The following CNTN5 variants were observed in gnomAD, a reference collection of about 807,000 sequenced individuals.
The protein encoded by CNTN5 is contactin 5.
A neutral mutation model predicts 129.1 loss-of-function variants in CNTN5; 77 were observed. The ratio of observed to expected loss-of-function variants is 0.60; its 90% confidence interval spans 0.50 to 0.72. The LOEUF (loss-of-function observed/expected upper bound fraction) is 0.72, where lower values mean the gene tolerates loss of function less well. CNTN5 is among the 30% of genes least tolerant of loss of function. CNTN5 has a pLI of 0.00. For synonymous variants in CNTN5, 509 were observed against 465.6 expected (o/e 1.09, Z -1.20); for missense variants, 1,478 against 1,328.8 (o/e 1.11, Z -1.75).
intron 10 of CNTN5, among the ~76,000 whole-genome samples, chr11:100,066,696 TG>T (rs1378769504): frequency 1.3e-5 from 2 of 151,996 alleles, no homozygotes; most frequent in Non-Finnish European, 2.9e-5. Context: ...GTTTTAAATG[TG>T]GCCCAACCTG....
At chr11:99,549,898 G>A (rs1948426190) in intron 2 of CNTN5, among the ~76,000 whole-genome samples, 1 of 152,034 alleles carries the variant, frequency 6.6e-6, no homozygotes. Context: ...TGAGTAGTAA[G>A]TAATCTCGAA....
At chr11:99,709,398 A>G (rs929202001) in intron 3 of CNTN5, among the ~76,000 whole-genome samples, 2 of 139,876 alleles carry the variant, frequency 1.4e-5, no homozygotes, top group East Asian at 2.1e-4. Flanking sequence ...GGAACTTTAC[A>G]TTGAAAGTCT....
chr11:99,775,564 T>A (rs761161327), intron 3 of CNTN5, among the ~76,000 whole-genome samples: 59 of 151,992 alleles, frequency 3.9e-4, no homozygotes, highest in Non-Finnish European at 6.6e-4. Flanking sequence ...AGGTAGATAA[T>A]TACTGGAAAA....
chr11:99,435,103 A>G lies in CNTN5; in HGVS notation c.-71+109619A>G, dbSNP rs183837095. Among the ~76,000 whole-genome samples the G allele has an allele frequency of 4.6e-5, 7 of 152,264 alleles. No homozygotes were observed. The East Asian group carries it at 7.7e-4, about 17-fold the overall frequency. On this transcript the variant is annotated intron_variant, in intron 2 of 24. Transcript: ENST00000524871. ...GTCTTTTAGTATCAATGCCATTTTT[A>G]AAGTGTGAAATAATGCTCCTGAAAT...
chr11:99,250,986 G>A (rs1156552702), intron 1 of CNTN5, among the ~76,000 whole-genome samples: 1 of 151,538 alleles, frequency 6.6e-6, no homozygotes, highest in Admixed American at 6.6e-5. Flanking sequence ...ATTAGACTTG[G>A]GAAAAGAAAC....
chr11:100,126,345 T>A (rs1397088725), intron 13 of CNTN5, among the ~76,000 whole-genome samples: 3 of 152,270 alleles, frequency 2.0e-5, no homozygotes, highest in Admixed American at 2.0e-4. Context: ...CAGAATTCAC[T>A]TGTTAATTTT....
At chr11:100,161,907 G>A (rs1947468438) in intron 13 of CNTN5, among the ~76,000 whole-genome samples, 1 of 143,648 alleles carries the variant, frequency 7.0e-6, no homozygotes, top group African/African-American at 2.7e-5. Context: ...ACACACCTAA[G>A]CATTGACTGG....
chr11:99,781,111 A>AT (rs1945295368), intron 3 of CNTN5, among the ~76,000 whole-genome samples: 1 of 152,070 alleles, frequency 6.6e-6, no homozygotes, highest in Non-Finnish European at 1.5e-5. Context: ...TTGATAGGAT[A>AT]TTTTAGTTTA....
At chr11:99,376,246 T>G (rs991248308) in intron 2 of CNTN5, among the ~76,000 whole-genome samples, 1 of 152,180 alleles carries the variant, frequency 6.6e-6, no homozygotes, top group African/African-American at 2.4e-5. Context: ...GCTGACAGAA[T>G]CAACAATCCC....
intron 1 of CNTN5, among the ~76,000 whole-genome samples, chr11:99,296,750 A>C (rs1007811970): frequency 2.0e-5 from 3 of 152,156 alleles, no homozygotes; most frequent in South Asian, 2.1e-4. Flanking sequence ...ACTTTTAATT[A>C]AGCTGGTTTT....
At position 99,590,542 on chromosome 11, in the gene CNTN5, G is replaced by A. The variant is rs12575856; in HGVS notation, c.55+34273G>A. 5.0e-4 allele frequency among the ~76,000 whole-genome samples: 76 copies of A among 152,286 alleles called. 1 individual carries two copies. The East Asian group carries it at 0.014, about 28-fold the overall frequency. On this transcript the variant is annotated intron_variant, in intron 3 of 24. Transcript: ENST00000524871. Reference sequence around the variant, plus strand: ...ATAATAGAAATATCTGTTATACAAAGGTCATTGAATGTAAATCTGGAAAAA... The same window carrying A: ...ATAATAGAAATATCTGTTATACAAAAGTCATTGAATGTAAATCTGGAAAAA...
At chr11:100,300,466 G>A (rs530902019) in intron 20 of CNTN5, among the ~76,000 whole-genome samples, 2 of 151,562 alleles carry the variant, frequency 1.3e-5, no homozygotes, top group South Asian at 2.1e-4. Context: ...AATAAGTGTG[G>A]TAAATATAAA....
At chr11:99,785,479 C>T (rs2845944) in intron 3 of CNTN5, among the ~76,000 whole-genome samples, 37,495 of 151,992 alleles carry the variant, frequency 0.25, 5,127 homozygotes, top group Non-Finnish European at 0.32. Flanking sequence ...TTTGCCCATG[C>T]GTATGTCCTG....
chr11:99,804,101 TA>T (rs1305233579), intron 3 of CNTN5, among the ~76,000 whole-genome samples: 1 of 152,186 alleles, frequency 6.6e-6, no homozygotes, highest in African/African-American at 2.4e-5. Context: ...CCAAATCTTC[TA>T]CTTTTTATAC....
intron 1 of CNTN5, among the ~76,000 whole-genome samples, chr11:99,127,324 A>G (rs1019329785): frequency 2.0e-5 from 3 of 152,152 alleles, no homozygotes; most frequent in African/African-American, 7.2e-5. Context: ...TACAATGTAG[A>G]TTCAGCCACA....
Position 99,755,204 on chromosome 11 carries a change from C to T in CNTN5, c.56-64340C>T, listed in dbSNP as rs535177097. ...TTATAAACAGCTGTGTACAGATTTT[C>T]GCATGGATAAGTCTTTAGCTCATTT... On this transcript the variant is annotated intron_variant, in intron 3 of 24. Coordinates refer to ENST00000524871, the MANE Select transcript of CNTN5 (RefSeq NM_014361.4). 6.6e-5 allele frequency among the ~76,000 whole-genome samples: 10 copies of T among 152,174 alleles called. No individual in the cohort carries two copies. The East Asian group carries it at 1.7e-3, about 26-fold the overall frequency.
intron 8 of CNTN5, among the ~76,000 whole-genome samples, chr11:100,001,264 C>T (rs941436645): frequency 6.6e-6 from 1 of 152,106 alleles, no homozygotes; most frequent in African/African-American, 2.4e-5. Context: ...CGAGAGAGAA[C>T]AGGGAAACTG....
chr11:99,101,753 C>T (rs1174866139), intron 1 of CNTN5, among the ~76,000 whole-genome samples: 1 of 152,288 alleles, frequency 6.6e-6, no homozygotes, highest in East Asian at 1.9e-4. Context: ...CCTCCCAACC[C>T]CTTTCACAAA....
chr11:99,476,610 C>A (rs2135294753), intron 2 of CNTN5, among the ~76,000 whole-genome samples: 1 of 152,190 alleles, frequency 6.6e-6, no homozygotes, highest in Non-Finnish European at 1.5e-5. Context: ...GCATATGTAG[C>A]AATAAGCATT....
Sources: allele counts gnomAD v4.1 joint callset (sites outside exome capture counted in the v4.1 genomes callset), GRCh38; gene constraint gnomAD v4.1.1; transcripts MANE v1.5; gene names NCBI Gene and HGNC (gene_info 2026-07-23, HGNC 2026-07-21).